Variants in CLPX observed in about 807,000 individuals in gnomAD.
The protein encoded by CLPX is caseinolytic mitochondrial matrix peptidase chaperone subunit X.
CLPX carries 34 observed loss-of-function variants against 76.4 expected under a neutral mutation model. The ratio of observed to expected loss-of-function variants is 0.45; its 90% CI spans 0.34 to 0.59. The LOEUF is 0.59. Ranked by LOEUF, CLPX falls within the 20% of genes least tolerant of loss-of-function variation. The probability of loss-of-function intolerance (pLI) is 0.01; values close to 1 mark genes in which losing one functional copy is unlikely to be tolerated. For synonymous variants in CLPX, 248 were observed against 270.9 expected, an observed-to-expected ratio of 0.92 and a Z score of 0.83; for missense variants, 613 against 757.0, an observed-to-expected ratio of 0.81 and a Z score of 2.23.
intron 5 of CLPX, 39 bp from the exon 6 acceptor site, chr15:65,162,684 T>C: frequency 1.6e-6 from 2 of 1,244,128 alleles, no homozygotes; most frequent in African/African-American, 1.5e-5. Flanking sequence ...TTTGTTTACC[T>C]TGGGGGAACA....
rs71136319 is a variant in CLPX at position 65,168,383 on chromosome 15, CAAAAAAAAA to C, written c.359-1607_359-1599del. Among the ~76,000 whole-genome samples, 203 of 35,660 alleles carry C rather than the reference CAAAAAAAAA, an allele frequency of 5.7e-3. 2 individuals carry two copies. The highest frequency in any genetic ancestry group is 7.7e-3 in the Non-Finnish European group (172 of 22,324). 23.4% of individuals were successfully genotyped at this position (35,660 alleles called of 152,430 possible). ...TGGGCGACAAAGTGAGACTCTGTCT[CAAAAAAAAA>C]AAAAAAAAAAAAAAAAAATTTGTGG... is the stretch of plus-strand genomic sequence containing the variant. On this transcript the variant is annotated intron_variant, in intron 3 of 13. Coordinates refer to ENST00000300107, the MANE Select transcript of CLPX (RefSeq NM_006660.5).
At chr15:65,154,579 G>A (rs2087763954) in intron 11 of CLPX, 1 of 533,922 alleles carries the variant, frequency 1.9e-6, no homozygotes, top group Non-Finnish European at 3.3e-6. Context: ...TATAATGATG[G>A]TTTTAATTCA....
At chr15:65,153,715 GCACAAT>G in intron 11 of CLPX, 76 bp from the exon 12 acceptor site, 4 of 805,738 alleles carry the variant, frequency 5.0e-6, no homozygotes, top group Non-Finnish European at 7.6e-6. Context: ...TTAAGTGAGG[GCACAAT>G]TTCTCATGGT....
intron 1 of CLPX, among the ~76,000 whole-genome samples, chr15:65,183,877 T>C (rs956103179): frequency 6.6e-6 from 1 of 152,258 alleles, no homozygotes; most frequent in Non-Finnish European, 1.5e-5. Flanking sequence ...CAAATATTAA[T>C]ATATATCAGA....
intron 3 of CLPX, among the ~76,000 whole-genome samples, chr15:65,167,021 TAAAAG>T (rs1375447541): frequency 6.6e-6 from 1 of 152,214 alleles, no homozygotes; most frequent in Non-Finnish European, 1.5e-5. Context: ...TATACTTCTT[TAAAAG>T]AAAAGATTGC....
rs1312869109 is a variant in CLPX, at chr15:65,185,105, T to TGAGCCG, written c.43_48dup (p.Arg15_Leu16dup). 2.5e-6 allele frequency: 4 copies of TGAGCCG among 1,584,094 alleles called. No individual in the cohort carries two copies. Among genetic ancestry groups the TGAGCCG allele is most frequent in the East Asian group, 2.3e-5 (1 of 43,660 alleles). ...TGCGCGGAGGCGAGTGAGGAGGTGA[T>TGAGCCG]GAGCCGGACGGCCGCCGCGCCGCAA... On this transcript the variant is annotated inframe_insertion, in exon 1 of 14. Coordinates refer to ENST00000300107, the MANE Select transcript of CLPX (RefSeq NM_006660.5).
In CLPX at chr15:65,155,875, A is replaced by AT. The variant is rs2087783820; in HGVS notation, c.1147-20dup. 1.9e-6 allele frequency: 3 copies of AT among 1,586,072 alleles called. No homozygotes were observed. The East Asian group carries it at 6.7e-5, about 35-fold the overall frequency. ...ATAAGCCCTAAATAAAGAACAAATG[A>AT]TTTATAGCATCACCATATAAGCACA... On this transcript the variant is annotated intron_variant, in intron 9 of 13. Transcript: ENST00000300107.
chr15:65,165,737 G>A (rs999660851), intron 4 of CLPX, among the ~76,000 whole-genome samples: 11 of 152,002 alleles, frequency 7.2e-5, no homozygotes, highest in Admixed American at 1.3e-4. Context: ...ACACAAATTC[G>A]TATAGAATAT....
At chr15:65,154,367 T>C (rs1443498875) in intron 11 of CLPX, among the ~76,000 whole-genome samples, 1 of 152,162 alleles carries the variant, frequency 6.6e-6, no homozygotes, top group African/African-American at 2.4e-5. Flanking sequence ...TGTTATCCAA[T>C]TGGGTATGTG....
chr15:65,155,566 G>A (rs796874650), intron 10 of CLPX, 126 bp downstream of exon 10: 1 of 791,578 alleles, frequency 1.3e-6, no homozygotes, highest in South Asian at 1.8e-5. Flanking sequence ...TTTCTGATAT[G>A]CTCTAAGAAA....
intron 4 of CLPX, among the ~76,000 whole-genome samples, chr15:65,165,517 A>G (rs1255793030): frequency 6.6e-6 from 1 of 150,836 alleles, no homozygotes; most frequent in Non-Finnish European, 1.5e-5. Flanking sequence ...CCGAGTAGCC[A>G]GGACTAAAGG....
intron 3 of CLPX, among the ~76,000 whole-genome samples, chr15:65,167,550 T>TA (rs1333748197): frequency 6.6e-6 from 1 of 152,082 alleles, no homozygotes; most frequent in Non-Finnish European, 1.5e-5. Context: ...CCTAAAAATG[T>TA]AAAAAATGTA....
Position 65,172,112 on chromosome 15 carries a change from C to T in CLPX, c.359-5327G>A, listed in dbSNP as rs532077195. Reference sequence around the variant, plus strand: ...CCGAGTAGCTGGGATTACAAGCATGCGCCACCACACCCAGCTAATTTTGTA... The same window carrying T: ...CCGAGTAGCTGGGATTACAAGCATGTGCCACCACACCCAGCTAATTTTGTA... On this transcript the variant is annotated intron_variant, in intron 3 of 13. Transcript: ENST00000300107. Among the ~76,000 whole-genome samples, 21 of 152,182 alleles carry T rather than the reference C, an allele frequency of 1.4e-4. No homozygotes were observed. In the South Asian group the frequency reaches 3.7e-3, roughly 27 times the overall value.
chr15:65,150,658 T>C lies in CLPX; in HGVS notation c.*165A>G. ...TATAACATCTTCCGTAAAATCAATG[T>C]GATGTTACAATTATATACATGATCT... On this transcript the variant is annotated 3_prime_UTR_variant, in exon 14 of 14. Transcript: ENST00000300107. The C allele has an allele frequency of 2.3e-6, 1 of 430,752 alleles. No homozygotes were observed. 26.7% of individuals were successfully genotyped at this position (430,752 alleles called of 1,614,324 possible).
chr15:65,155,754 A>G lies in CLPX; in HGVS notation c.1249T>C (p.Phe417Leu). ...TVQVDTTNIL[F>L]VASGAFNGLD... ...CCATTGAAAGCACCAGATGCCACAAACAGGATGTTTGTTGTATCAACTTGA... is the reference window on the plus strand; with the variant it reads ...CCATTGAAAGCACCAGATGCCACAAGCAGGATGTTTGTTGTATCAACTTGA... The change falls in exon 10 of 14, where the codon TTT (phenylalanine) becomes CTT (leucine). Residue 417 changes from phenylalanine (F) to leucine (L), a missense_variant. Transcript: ENST00000300107. The G allele has an allele frequency of 1.9e-6, 3 of 1,614,086 alleles. No homozygotes were observed. Among genetic ancestry groups the G allele is most frequent in the Non-Finnish European group, 2.5e-6 (3 of 1,179,990 alleles).
In CLPX at chr15:65,157,835, G is replaced by C; in HGVS notation, c.968C>G (p.Thr323Ser). Residue 323 changes from threonine to serine, a missense_variant, in exon 8 of 14, where the codon ACT (threonine) becomes AGT (serine). Physicochemically the swap from Thr to Ser is moderately conservative, Grantham distance 58 (BLOSUM62 1). Transcript: ENST00000300107. Reference protein sequence around the residue: ...PFAICDCTTLTQAGYVGEDIE... With the variant: ...PFAICDCTTLSQAGYVGEDIE... ...ATCTTCGCCTACATATCCAGCCTGA[G>C]TCAAAGTTGTACAGTCACAGATAGC... The C allele has an allele frequency of 6.2e-7, 1 of 1,613,856 alleles. No individual in the cohort carries two copies. The highest frequency in any genetic ancestry group is 1.1e-5 in the South Asian group (1 of 91,064).
rs150494260 is a variant in CLPX at position 65,149,537 on chromosome 15, G to A, written c.*1286C>T. 3.9e-3 allele frequency: 1,718 copies of A among 444,732 alleles called. 14 individuals carry two copies. Among genetic ancestry groups the A allele is most frequent in the Admixed American group, 8.3e-3 (327 of 39,202 alleles). 27.5% of individuals were successfully genotyped at this position (444,732 alleles called of 1,614,324 possible). ...GATTTAAGCCAGACTTCAATTCCATGTACTCACCCATAGTACTAAAATGGA... is the reference window on the plus strand; with the variant it reads ...GATTTAAGCCAGACTTCAATTCCATATACTCACCCATAGTACTAAAATGGA... On this transcript the variant is annotated 3_prime_UTR_variant, in exon 14 of 14. Transcript: ENST00000300107.
chr15:65,155,262 T>C (rs1249515149), intron 10 of CLPX, among the ~76,000 whole-genome samples, 181 bp from the exon 11 acceptor site: 1 of 152,220 alleles, frequency 6.6e-6, no homozygotes, highest in Non-Finnish European at 1.5e-5. Context: ...CAAAATCTTA[T>C]TGCTGTAAGT....
At chr15:65,168,998 C>T (rs1329811855) in intron 3 of CLPX, among the ~76,000 whole-genome samples, 1 of 151,084 alleles carries the variant, frequency 6.6e-6, no homozygotes, top group Non-Finnish European at 1.5e-5. Flanking sequence ...TCCAGGACTA[C>T]AGGCACACGC....
Sources: gnomAD v4.1 joint callset for allele counts (sites outside exome capture counted in the v4.1 genomes callset) on GRCh38, gnomAD v4.1.1 for gene constraint, MANE v1.5 for transcripts, NCBI Gene and HGNC (gene_info 2026-07-23, HGNC 2026-07-21) for gene names.